The following PEAK1 variants were observed in gnomAD, a reference collection of about 807,000 sequenced individuals.
PEAK1 encodes pseudopodium enriched atypical kinase 1.
In PEAK1, 54 loss-of-function variants were observed where a neutral mutation model predicts 124.7. The ratio of observed to expected loss-of-function variants is 0.43; its 90% CI spans 0.35 to 0.54. The LOEUF (loss-of-function observed/expected upper bound fraction) is 0.54, where lower values mean the gene tolerates loss of function less well. PEAK1 is among the 20% of genes least tolerant of loss of function. The probability of loss-of-function intolerance (pLI) is 0.01; values close to 1 mark genes in which losing one functional copy is unlikely to be tolerated. For synonymous variants in PEAK1, 719 were observed against 760.0 expected (o/e 0.95, Z 0.89); for missense variants, 2,046 against 2,134.5 (o/e 0.96, Z 0.82).
intron 7 of PEAK1, among the ~76,000 whole-genome samples, chr15:77,165,638 A>G (rs1210971811): frequency 1.3e-5 from 2 of 152,152 alleles, no homozygotes; most frequent in Non-Finnish European, 1.5e-5. Flanking sequence ...CTGAGAAATG[A>G]TAACATACAC....
At chr15:77,175,532 G>C (rs952264396) in intron 7 of PEAK1, among the ~76,000 whole-genome samples, 8 of 151,888 alleles carry the variant, frequency 5.3e-5, no homozygotes, top group Non-Finnish European at 1.2e-4. Flanking sequence ...TCAGAGAAAT[G>C]CAAATCAAAA....
At chr15:77,312,980 TAAA>T (rs1297545396) in intron 2 of PEAK1, among the ~76,000 whole-genome samples, 2 of 152,038 alleles carry the variant, frequency 1.3e-5, no homozygotes, top group African/African-American at 4.8e-5. Context: ...CCTTTTAAAA[TAAA>T]AGGAAAAACC....
intron 1 of PEAK1, among the ~76,000 whole-genome samples, chr15:77,391,683 C>G (rs1187403515): frequency 6.6e-6 from 1 of 152,140 alleles, no homozygotes; most frequent in African/African-American, 2.4e-5. Context: ...AAGTCTGAAT[C>G]ACTGTTTTTT....
intron 5 of PEAK1, among the ~76,000 whole-genome samples, chr15:77,275,566 AT>A (rs1222673155): frequency 6.6e-6 from 1 of 151,960 alleles, no homozygotes; most frequent in Non-Finnish European, 1.5e-5. Flanking sequence ...AAATACAAAA[AT>A]TAGATGGGTG....
rs74025200 is a variant in PEAK1, at chr15:77,418,426, A to C, written c.-666+1580T>G. 3.3e-3 allele frequency: 3,256 copies of C among 985,396 alleles called. 77 individuals carry two copies. The African/African-American group carries it at 0.051, about 15-fold the overall frequency. 61.0% of individuals were successfully genotyped at this position (985,396 alleles called of 1,614,324 possible). A position where few individuals can be genotyped will look rare whatever the true frequency, so the allele number is the denominator to read the frequency against. On this transcript the variant is annotated intron_variant, in intron 1 of 9. Coordinates refer to ENST00000682557, the MANE Select transcript of PEAK1 (RefSeq NM_001385026.1). Reference sequence around the variant, plus strand: ...ATATTTCCCTTTCCCCCCCGACAGCAATGAAAAGGGGATGTTTGTTTTTTC... The same window carrying C: ...ATATTTCCCTTTCCCCCCCGACAGCCATGAAAAGGGGATGTTTGTTTTTTC...
intron 6 of PEAK1, among the ~76,000 whole-genome samples, chr15:77,226,051 ATATATAT>A (rs1463700252): frequency 2.9e-4 from 15 of 52,364 alleles, no homozygotes; most frequent in Non-Finnish European, 3.4e-4. Context: ...AGGGATATAT[ATATATAT>A]ATATATATAT....
At chr15:77,348,723 A>G in intron 2 of PEAK1, 1 of 984,312 alleles carries the variant, frequency 1.0e-6, no homozygotes, top group South Asian at 4.7e-5. Flanking sequence ...AAGGCACCAA[A>G]GTCAGCCAGC....
intron 6 of PEAK1, among the ~76,000 whole-genome samples, chr15:77,222,271 CTT>C (rs1189658914): frequency 6.6e-6 from 1 of 151,982 alleles, no homozygotes; most frequent in Non-Finnish European, 1.5e-5. Context: ...TTTCTCTCTT[CTT>C]GTTTGCTGCC....
chr15:77,267,858 G>GA (rs1209768231), intron 5 of PEAK1, among the ~76,000 whole-genome samples: 4 of 151,678 alleles, frequency 2.6e-5, no homozygotes, highest in South Asian at 2.1e-4. Context: ...TCCGAACCAG[G>GA]AAAAAAAATC....
chr15:77,116,256 G>C (rs2051355600), intron 9 of PEAK1, among the ~76,000 whole-genome samples: 2 of 152,286 alleles, frequency 1.3e-5, no homozygotes, highest in Admixed American at 6.5e-5. Context: ...TCTAATACTA[G>C]TTCATGGATC....
intron 8 of PEAK1, among the ~76,000 whole-genome samples, chr15:77,149,214 C>T (rs184889617): frequency 6.6e-6 from 1 of 152,214 alleles, no homozygotes; most frequent in African/African-American, 2.4e-5. Context: ...TAGTACACTG[C>T]TTCCTAAACC....
chr15:77,187,340 T>G (rs185785944), intron 6 of PEAK1, among the ~76,000 whole-genome samples: 1 of 152,186 alleles, frequency 6.6e-6, no homozygotes, highest in Non-Finnish European at 1.5e-5. Flanking sequence ...CCTATTACTG[T>G]TTTTTATTCT....
In PEAK1 at chr15:77,257,237, T is replaced by C. The variant is rs896265790; in HGVS notation, c.-274-4711A>G. On this transcript the variant is annotated intron_variant, in intron 5 of 9. Coordinates refer to ENST00000682557, the MANE Select transcript of PEAK1 (RefSeq NM_001385026.1). ...CATGATTTATAGTCCTTTGGGTATA[T>C]ACCCAGTAATGGGATGGCTGGGTCA... Among the ~76,000 whole-genome samples, 4 of 151,902 alleles carry C rather than the reference T, an allele frequency of 2.6e-5. No individual in the cohort carries two copies. In the South Asian group the frequency reaches 6.2e-4, roughly 24 times the overall value.
At chr15:77,419,984 C>G (rs2073250412) in intron 1 of PEAK1, 22 bp downstream of exon 1, 1 of 149,284 alleles carries the variant, frequency 6.7e-6, no homozygotes, top group Non-Finnish European at 1.5e-5. Flanking sequence ...CGAGCGGACG[C>G]GGACAGCCGG....
chr15:77,128,068 GACTCCATCTC>G (rs2052542589), intron 9 of PEAK1, among the ~76,000 whole-genome samples: 1 of 147,694 alleles, frequency 6.8e-6, no homozygotes, highest in African/African-American at 2.5e-5. Flanking sequence ...GACAGAGTGA[GACTCCATCTC>G]AAGAAAAAAA....
At chr15:77,394,111 GA>G (rs1313284244) in intron 1 of PEAK1, among the ~76,000 whole-genome samples, 1 of 152,186 alleles carries the variant, frequency 6.6e-6, no homozygotes, top group African/African-American at 2.4e-5. Flanking sequence ...AGCCGCATTA[GA>G]ATAGAGCATC....
intron 6 of PEAK1, among the ~76,000 whole-genome samples, chr15:77,234,623 T>C (rs1486105021): frequency 6.6e-6 from 1 of 152,008 alleles, no homozygotes; most frequent in African/African-American, 2.4e-5. Flanking sequence ...CAGAAATGAA[T>C]GGATGAACAC....
chr15:77,293,018 T>G (rs1242494727), intron 2 of PEAK1, among the ~76,000 whole-genome samples: 1 of 152,174 alleles, frequency 6.6e-6, no homozygotes, highest in Non-Finnish European at 1.5e-5. Flanking sequence ...AAACCAGTCT[T>G]CTGCTGTATT....
rs1216011901 is a variant in PEAK1, at chr15:77,313,708, ATG to A, written c.-602-27206_-602-27205del. 5.0e-3 allele frequency among the ~76,000 whole-genome samples: 465 copies of A among 93,696 alleles called. 4 individuals carry two copies. Among genetic ancestry groups the A allele is most frequent in the South Asian group, 7.2e-3 (22 of 3,066 alleles). The allele number at this position is 93,696 out of a possible 152,430, so 61.5% of individuals were successfully genotyped here. A position where few individuals can be genotyped will look rare whatever the true frequency, so the allele number is the denominator to read the frequency against. On this transcript the variant is annotated intron_variant, in intron 2 of 9. Transcript: ENST00000682557. ...TGTGTGTGTGTATATATATATATGT[ATG>A]TGTGTGTGTGTGTGTGTATATATAT...
Sources: allele counts gnomAD v4.1 joint callset (sites outside exome capture counted in the v4.1 genomes callset), GRCh38; gene constraint gnomAD v4.1.1; transcripts MANE v1.5; gene names NCBI Gene and HGNC (gene_info 2026-07-23, HGNC 2026-07-21).